The following NCOR1 variants were observed in gnomAD, a reference collection of about 807,000 sequenced individuals.
NCOR1 encodes the protein nuclear receptor corepressor 1.
NCOR1 carries 63 observed loss-of-function variants against 288.1 expected under a neutral mutation model. The ratio of observed to expected loss-of-function variants is 0.22; its 90% CI spans 0.18 to 0.27. NCOR1 has a LOEUF of 0.27. NCOR1 is among the 10% of genes least tolerant of loss of function. NCOR1 has a pLI of 1.00. For missense variants in NCOR1, 2,397 were observed against 3,019.2 expected, an observed-to-expected ratio of 0.79 and a Z score of 4.83; for synonymous variants, 1,007 against 1,065.9, an observed-to-expected ratio of 0.94 and a Z score of 1.08.
At chr17:16,164,498 G>C (rs1185746881) in intron 5 of NCOR1, among the ~76,000 whole-genome samples, 1 of 151,956 alleles carries the variant, frequency 6.6e-6, no homozygotes, top group African/African-American at 2.4e-5. Context: ...CCACAGAGAA[G>C]ACTATTTCAT....
intron 14 of NCOR1, among the ~76,000 whole-genome samples, chr17:16,127,505 A>C (rs1421528587): frequency 6.8e-6 from 1 of 146,852 alleles, no homozygotes; most frequent in Admixed American, 6.9e-5. Flanking sequence ...GCATGTATAT[A>C]CATATGTGTA....
chr17:16,107,568 AC>A (rs1242935369), intron 19 of NCOR1, among the ~76,000 whole-genome samples: 4 of 152,148 alleles, frequency 2.6e-5, no homozygotes, highest in Non-Finnish European at 5.9e-5. Flanking sequence ...TGCTGCAGCC[AC>A]CCAATCTGTG....
In NCOR1 at chr17:16,080,065, C is replaced by G. The variant is rs200215334; in HGVS notation, c.3401-1G>C. On this transcript the variant is annotated splice_acceptor_variant, in intron 25 of 45. Coordinates refer to ENST00000268712, the MANE Select transcript of NCOR1 (RefSeq NM_006311.4). LOFTEE classifies it high-confidence loss of function. ...CCTTCTTGTATGGCTCCTGCGGTAC[C>G]TGAATACAAACAAAGCTATTAGCAA... 9.3e-6 allele frequency: 15 copies of G among 1,613,170 alleles called. No individual in the cohort carries two copies. In the East Asian group the frequency reaches 3.1e-4, roughly 34 times the overall value.
At chr17:16,161,216 A>C (rs1295317103) in intron 5 of NCOR1, among the ~76,000 whole-genome samples, 1 of 138,070 alleles carries the variant, frequency 7.2e-6, no homozygotes, top group Non-Finnish European at 1.5e-5. Flanking sequence ...AAAGGCTAAA[A>C]GCAAACACAC....
intron 7 of NCOR1, among the ~76,000 whole-genome samples, chr17:16,152,307 C>T (rs1026852984): frequency 8.6e-5 from 13 of 151,894 alleles, no homozygotes; most frequent in African/African-American, 3.1e-4. Context: ...CTCCCCCATG[C>T]CCCACCCCCT....
intron 37 of NCOR1, among the ~76,000 whole-genome samples, chr17:16,061,153 C>A (rs2060506273): frequency 6.6e-6 from 1 of 152,170 alleles, no homozygotes; most frequent in African/African-American, 2.4e-5. Context: ...TTAATAAGGT[C>A]TGCCTTCTAC....
At chr17:16,104,269 C>T (rs765045083) in intron 19 of NCOR1, among the ~76,000 whole-genome samples, 1 of 151,486 alleles carries the variant, frequency 6.6e-6, no homozygotes, top group African/African-American at 2.4e-5. Flanking sequence ...CCTAAGTAAC[C>T]GTCTGGGAAA....
chr17:16,054,252 A>G (rs2059660295), intron 40 of NCOR1, among the ~76,000 whole-genome samples: 3 of 152,128 alleles, frequency 2.0e-5, no homozygotes, highest in African/African-American at 7.2e-5. Flanking sequence ...GAAACTGTCA[A>G]CAGAGTGAAC....
chr17:16,173,931 C>CAAAA lies in NCOR1; in HGVS notation c.243-1940_243-1937dup, dbSNP rs941245543. Among the ~76,000 whole-genome samples, 3 of 137,290 alleles carry CAAAA rather than the reference C, an allele frequency of 2.2e-5. No individual in the cohort carries two copies. In the East Asian group the frequency reaches 6.3e-4, roughly 29 times the overall value. 90.1% of individuals were successfully genotyped at this position (137,290 alleles called of 152,430 possible). A position where few individuals can be genotyped will look rare whatever the true frequency, so the allele number is the denominator to read the frequency against. On this transcript the variant is annotated intron_variant, in intron 3 of 45. Coordinates refer to ENST00000268712, the MANE Select transcript of NCOR1 (RefSeq NM_006311.4). ...GGGCAACAAGAGCGAAACTCCATCT[C>CAAAA]AAAAAAAAAAAGCAATACATTTATA...
chr17:16,142,305 G>A (rs2077270328), intron 11 of NCOR1, among the ~76,000 whole-genome samples: 1 of 152,070 alleles, frequency 6.6e-6, no homozygotes, highest in African/African-American at 2.4e-5. Flanking sequence ...TGCAAATCGA[G>A]TATTAACTGT....
At chr17:16,205,526 C>T (rs2091384043) in intron 1 of NCOR1, among the ~76,000 whole-genome samples, 1 of 151,878 alleles carries the variant, frequency 6.6e-6, no homozygotes, top group Non-Finnish European at 1.5e-5. Context: ...AAGGCTGAGG[C>T]AGGGGAATCG....
At chr17:16,125,845 A>G (rs1328233801) in intron 15 of NCOR1, among the ~76,000 whole-genome samples, 2 of 152,096 alleles carry the variant, frequency 1.3e-5, no homozygotes, top group Admixed American at 1.3e-4. Flanking sequence ...ATGTGGACAC[A>G]TGGATATAGA....
intron 4 of NCOR1, among the ~76,000 whole-genome samples, chr17:16,166,719 T>G (rs1370194648): frequency 6.6e-6 from 1 of 151,824 alleles, no homozygotes; most frequent in African/African-American, 2.4e-5. Flanking sequence ...TGTATAACCA[T>G]CTTTATCAAC....
intron 40 of NCOR1, among the ~76,000 whole-genome samples, chr17:16,050,668 T>C (rs528330816): frequency 4.6e-5 from 7 of 152,314 alleles, no homozygotes; most frequent in African/African-American, 1.2e-4. Context: ...TTGTTCAAGA[T>C]AGCCACTTTT....
chr17:16,174,067 G>C (rs2083620966), intron 3 of NCOR1, among the ~76,000 whole-genome samples: 1 of 152,158 alleles, frequency 6.6e-6, no homozygotes, highest in South Asian at 2.1e-4. Context: ...TTAATACATA[G>C]TAAGAAATCT....
rs906979002 is a variant in NCOR1 at position 16,091,952 on chromosome 17, T to C, written c.2927A>G (p.Gln976Arg). 6.2e-7 allele frequency: 1 copy of C among 1,614,142 alleles called. No individual in the cohort carries two copies. The highest frequency in any genetic ancestry group is 1.3e-5 in the African/African-American group (1 of 74,948). ...ATCTATCTGTTCTTGTCTCTGCCGC[T>C]GCTCCTCCAGGAGTGCTGACTCATG... ...AMHESALLEE[Q>R]RQRQEQIDLE... Residue 976 changes from glutamine to arginine, a missense_variant, in exon 22 of 46, where the codon CAG becomes CGG. This residue lies in a region of NCOR1 where 1,872 missense variants were observed against 2,187.8 expected (regional missense o/e 0.86). Coordinates refer to ENST00000268712, the MANE Select transcript of NCOR1 (RefSeq NM_006311.4).
chr17:16,087,228 A>C, intron 22 of NCOR1: 2 of 1,304,240 alleles, frequency 1.5e-6, no homozygotes, highest in Non-Finnish European at 2.0e-6. Context: ...GGCTTTACTG[A>C]CTTCTCTTGG....
Position 16,213,077 on chromosome 17 carries a change from T to C in NCOR1, c.-71+2285A>G, listed in dbSNP as rs138640052. Among the ~76,000 whole-genome samples the C allele has an allele frequency of 3.3e-3, 496 of 151,108 alleles. 2 individuals are homozygous for C. Among genetic ancestry groups the C allele is most frequent in the Non-Finnish European group, 4.8e-3 (322 of 67,766 alleles). ...GTCTCCAAAAAAAAAAAAAAAAAGC[T>C]TTAAAAAAGTTATTAACTAATCTAA... is the stretch of plus-strand genomic sequence containing the variant. On this transcript the variant is annotated intron_variant, in intron 1 of 45. Coordinates refer to ENST00000268712, the MANE Select transcript of NCOR1 (RefSeq NM_006311.4).
rs11650682 is a variant in NCOR1, at chr17:16,029,804, C to A, written c.*2492G>T. 8,045 of 152,596 alleles carry A rather than the reference C, an allele frequency of 0.053. 324 individuals carry two copies. The highest frequency in any genetic ancestry group is 0.1 in the Middle Eastern group (30 of 294). 9.5% of individuals were successfully genotyped at this position (152,596 alleles called of 1,614,324 possible). A position where few individuals can be genotyped will look rare whatever the true frequency, so the allele number is the denominator to read the frequency against. ...GATTTTAACTCTCATTCTGAGATTTCTTCTCCAGGTGATGGTAAATAAAGT... is the reference window on the plus strand; with the variant it reads ...GATTTTAACTCTCATTCTGAGATTTATTCTCCAGGTGATGGTAAATAAAGT... On this transcript the variant is annotated 3_prime_UTR_variant, in exon 46 of 46. Transcript: ENST00000268712.
Sources: allele counts gnomAD v4.1 joint callset (sites outside exome capture counted in the v4.1 genomes callset), GRCh38; gene constraint gnomAD v4.1.1; regional missense constraint gnomAD v4.1.1; transcripts MANE v1.5; gene names NCBI Gene and HGNC (gene_info 2026-07-23, HGNC 2026-07-21).